TBCD: variants seen among roughly 807,000 people sequenced by gnomAD.
The protein encoded by TBCD is tubulin folding cofactor D.
In TBCD, 105 loss-of-function variants were observed where a neutral mutation model predicts 169.3. The ratio of observed to expected loss-of-function variants is 0.62; its 90% confidence interval spans 0.53 to 0.73. The LOEUF (loss-of-function observed/expected upper bound fraction) is 0.73. Ranked by LOEUF, TBCD falls within the 30% of genes least tolerant of loss-of-function variation. TBCD has a pLI of 0.00. For synonymous variants in TBCD, 700 were observed against 643.9 expected (o/e 1.09, Z -1.32); for missense variants, 1,444 against 1,600.1 (o/e 0.90, Z 1.66).
rs368793509 is a variant in TBCD, at chr17:82,892,906, C to T, written c.1564-641C>T. ...AGCTGGGGCTCCACTGGGAGGCTGT[C>T]GTGGCGGGGTGGGAGGAGGTGCCGC... On this transcript the variant is annotated intron_variant, in intron 16 of 38. Transcript: ENST00000355528. Among the ~76,000 whole-genome samples the T allele has an allele frequency of 8.5e-5, 13 of 152,256 alleles. No individual in the cohort carries two copies. In the East Asian group the frequency reaches 2.1e-3, roughly 25 times the overall value.
chr17:82,882,982 C>T (rs1010802069), intron 14 of TBCD, among the ~76,000 whole-genome samples: 1 of 152,224 alleles, frequency 6.6e-6, no homozygotes, highest in Admixed American at 6.5e-5. Context: ...GCCCGCCCTA[C>T]CGGGCTGGAG....
intron 13 of TBCD, among the ~76,000 whole-genome samples, chr17:82,855,235 C>CTTTTTTTTTTTTTTTTTTT: frequency 1.9e-5 from 1 of 54,032 alleles, no homozygotes; most frequent in African/African-American, 6.5e-5. Flanking sequence ...AAGGTGTTTG[C>CTTTTTTTTTTTTTTTTTTT]TTTTTTTTTT....
intron 35 of TBCD, 43 bp from the exon 36 acceptor site, chr17:82,938,006 C>T (rs763559909): frequency 1.1e-5 from 17 of 1,607,624 alleles, no homozygotes; most frequent in Admixed American, 5.0e-5. Flanking sequence ...GGTTGGCCTG[C>T]GCGGGGTGGG....
intron 13 of TBCD, chr17:82,859,895 C>T: frequency 1.0e-6 from 1 of 985,374 alleles, no homozygotes. Context: ...AGGGAGCAGG[C>T]TTGTCATTGT....
intron 13 of TBCD, among the ~76,000 whole-genome samples, chr17:82,868,924 C>G (rs944599212): frequency 8.0e-5 from 12 of 150,680 alleles, no homozygotes; most frequent in Non-Finnish European, 1.5e-4. Context: ...TGCAGAGCCC[C>G]GAACGAGACC....
At chr17:82,776,461 A>T (rs1036838798) in intron 6 of TBCD, among the ~76,000 whole-genome samples, 1 of 152,178 alleles carries the variant, frequency 6.6e-6, no homozygotes, top group Non-Finnish European at 1.5e-5. Context: ...ATATATAGGT[A>T]ATTCTTATAC....
At chr17:82,933,435 G>A (rs1352040769) in intron 34 of TBCD, among the ~76,000 whole-genome samples, 1 of 151,874 alleles carries the variant, frequency 6.6e-6, no homozygotes, top group African/African-American at 2.4e-5. Flanking sequence ...TGTATTTTTA[G>A]TAGAGACAGG....
chr17:82,911,694 A>G (rs545898941), intron 22 of TBCD, 64 bp from the exon 23 acceptor site: 4 of 1,515,180 alleles, frequency 2.6e-6, no homozygotes, highest in Admixed American at 1.7e-5. Context: ...ATTGGCAAGC[A>G]TATTTCATGG....
chr17:82,758,384 G>GGAAAAAAAAAAAAAAA (rs1555672563), intron 2 of TBCD, among the ~76,000 whole-genome samples: 4 of 25,020 alleles, frequency 1.6e-4, no homozygotes, highest in Non-Finnish European at 3.5e-4. Flanking sequence ...AAACGTCTCG[G>GGAAAAAAAAAAAAAAA]AAAAAAAAAA....
intron 17 of TBCD, among the ~76,000 whole-genome samples, chr17:82,894,922 AGCCGAGATC>A (rs1315458329): frequency 6.6e-6 from 1 of 152,182 alleles, no homozygotes; most frequent in Non-Finnish European, 1.5e-5. Flanking sequence ...GGCTGCAGTG[AGCCGAGATC>A]GTGCCACTGC....
chr17:82,840,988 CAG>C (rs1441824388), intron 13 of TBCD, among the ~76,000 whole-genome samples: 112 of 85,618 alleles, frequency 1.3e-3, no homozygotes, highest in African/African-American at 5.3e-3. Context: ...TTTTTTGAGA[CAG>C]AGTTTCACTG....
At chr17:82,850,905 A>T (rs1191844946) in intron 13 of TBCD, among the ~76,000 whole-genome samples, 1 of 152,218 alleles carries the variant, frequency 6.6e-6, no homozygotes, top group Non-Finnish European at 1.5e-5. Context: ...TTGATAACTA[A>T]ATATGTAGTG....
At chr17:82,771,662 G>A (rs1210122676) in intron 5 of TBCD, among the ~76,000 whole-genome samples, 1 of 152,084 alleles carries the variant, frequency 6.6e-6, no homozygotes, top group Non-Finnish European at 1.5e-5. Context: ...CAGGTGATCC[G>A]CCTGCCCCAG....
At chr17:82,794,002 C>A (rs1303744513) in intron 7 of TBCD, among the ~76,000 whole-genome samples, 1 of 152,238 alleles carries the variant, frequency 6.6e-6, no homozygotes, top group Admixed American at 6.5e-5. Context: ...CTAGCGTGGT[C>A]TCAGCCATCT....
intron 13 of TBCD, among the ~76,000 whole-genome samples, chr17:82,857,114 C>T (rs2056377325): frequency 6.6e-6 from 1 of 152,242 alleles, no homozygotes; most frequent in Non-Finnish European, 1.5e-5. Context: ...CATGTCCTCA[C>T]CAACACCTGT....
rs1452505070 is a variant in TBCD at position 82,902,949 on chromosome 17, G to T, written c.1731-456G>T. 2.0e-5 allele frequency among the ~76,000 whole-genome samples: 3 copies of T among 152,266 alleles called. No individual in the cohort carries two copies. The South Asian group carries it at 6.2e-4, about 32-fold the overall frequency. The stretch of plus-strand genomic sequence containing the variant: ...GTCCTGGGTCAGCCTTTCGCGGTCC[G>T]CATGTTCAACCATGGGTGCTTTCAG... On this transcript the variant is annotated intron_variant, in intron 18 of 38. Coordinates refer to ENST00000355528, the MANE Select transcript of TBCD (RefSeq NM_005993.5).
In TBCD at chr17:82,929,369, G is replaced by A. The variant is rs1197393364; in HGVS notation, c.2860G>A (p.Val954Met). The A allele has an allele frequency of 6.2e-7, 1 of 1,612,704 alleles. No individual in the cohort carries two copies. Among genetic ancestry groups the A allele is most frequent in the South Asian group, 1.1e-5 (1 of 91,072 alleles). ...ELEKLFPRSDVASVNWSAPSQ... is the reference protein window; with the variant it reads ...ELEKLFPRSDMASVNWSAPSQ... Reference sequence around the variant, plus strand: ...TCACTCACTCTCTTGCAGGTCCGATGTGGCCTCCGTGAACTGGAGTGCACC... The same window carrying A: ...TCACTCACTCTCTTGCAGGTCCGATATGGCCTCCGTGAACTGGAGTGCACC... The change falls in exon 32 of 39, where the codon GTG (valine) becomes ATG (methionine). Residue 954 changes from valine to methionine, a missense_variant. Val to Met is a conservative substitution (Grantham distance 21, BLOSUM62 1). Transcript: ENST00000355528.
In TBCD at chr17:82,807,623, G is replaced by A. The variant is rs1164063765; in HGVS notation, c.1103G>A (p.Gly368Glu). 10 of 1,550,192 alleles carry A rather than the reference G, an allele frequency of 6.5e-6. No individual in the cohort carries two copies. The highest frequency in any genetic ancestry group is 6.1e-6 in the Non-Finnish European group (7 of 1,147,594). Residue 368 changes from glycine (G) to glutamate (E), a missense_variant, in exon 11 of 39, where the codon GGG becomes GAG. Physicochemically the swap from Gly to Glu is moderately conservative, Grantham distance 98. Coordinates refer to ENST00000355528, the MANE Select transcript of TBCD (RefSeq NM_005993.5). ...CTTCCTACAGAGCAGCTGCTGGTCG[G>A]GCTGAAGGACAAGGACACGGTCGTG... ...VERVIEQLLV[G>E]LKDKDTVVRW...
rs879938015 is a variant in TBCD at position 82,864,946 on chromosome 17, G to GC, written c.1319-5272dup. Among the ~76,000 whole-genome samples the GC allele has an allele frequency of 2.0e-5, 3 of 150,904 alleles. No individual in the cohort carries two copies. Among genetic ancestry groups the GC allele is most frequent in the Non-Finnish European group, 4.4e-5 (3 of 67,676 alleles). On this transcript the variant is annotated intron_variant, in intron 13 of 38. Coordinates refer to ENST00000355528, the MANE Select transcript of TBCD (RefSeq NM_005993.5). This position sits in a 1 kb window ranked among gnomAD's most constrained non-coding sequence, Gnocchi z 6.3. Reference sequence around the variant, plus strand: ...GCTTGTGTTGGGGGTGGGGCTCCTTGCCCCCCAAGGGCAGGCCGAGCACCA... The same window carrying GC: ...GCTTGTGTTGGGGGTGGGGCTCCTTGCCCCCCCAAGGGCAGGCCGAGCACCA...
Sources: allele counts gnomAD v4.1 joint callset (sites outside exome capture counted in the v4.1 genomes callset), GRCh38; gene constraint gnomAD v4.1.1; non-coding constraint Gnocchi (gnomAD v3.1); transcripts MANE v1.5; gene names NCBI Gene and HGNC (gene_info 2026-07-23, HGNC 2026-07-21).